The following DNAH9 variants were observed in gnomAD, a reference collection of about 807,000 sequenced individuals.
DNAH9 encodes dynein axonemal heavy chain 9.
In DNAH9, 345 loss-of-function variants were observed where a neutral mutation model predicts 471.6. The ratio of observed to expected loss-of-function variants is 0.73; its 90% CI spans 0.67 to 0.80. The LOEUF is 0.80. Ranked by LOEUF, DNAH9 falls within the 30% of genes least tolerant of loss-of-function variation. The pLI, the probability that DNAH9 is intolerant of heterozygous loss-of-function variation, is 0.00. For missense variants in DNAH9, 5,407 were observed against 5,609.2 expected, an observed-to-expected ratio of 0.96 and a Z score of 1.15; for synonymous variants, 2,093 against 2,123.6, an observed-to-expected ratio of 0.99 and a Z score of 0.40.
At position 11,664,838 on chromosome 17, in the gene DNAH9, C is replaced by T; in HGVS notation, c.2601C>T (p.Asn867=). ...GLKIHALVQE[N]LGLFSADPTS... is the part of the protein sequence containing the mutation. ...CTTTCTTCTTCCTTTTATAGGAAAACCTGGGTCTATTTTCAGCAGACCCAA... is the reference window on the plus strand; with the variant it reads ...CTTTCTTCTTCCTTTTATAGGAAAATCTGGGTCTATTTTCAGCAGACCCAA... Residue 867 remains asparagine, a synonymous_variant, in exon 15 of 69, where the codon AAC becomes AAT. Transcript: ENST00000262442. The T allele has an allele frequency of 6.2e-7, 1 of 1,612,346 alleles. No homozygotes were observed. Among genetic ancestry groups the T allele is most frequent in the Non-Finnish European group, 8.5e-7 (1 of 1,178,730 alleles).
chr17:11,812,005 AAAAAAAAAAAAAAAAAAAAAAATAT>A (rs1198480622), intron 45 of DNAH9, among the ~76,000 whole-genome samples: 42 of 48,524 alleles, frequency 8.7e-4, no homozygotes, highest in African/African-American at 4.8e-3. Context: ...AAAAAAAAAA[AAAAAAAAAAAAAAAAAAAAAAATAT>A]ATATATATAT....
intron 27 of DNAH9, among the ~76,000 whole-genome samples, chr17:11,719,868 T>C (rs2075024174): frequency 1.3e-5 from 2 of 152,194 alleles, no homozygotes; most frequent in African/African-American, 2.4e-5. Flanking sequence ...GGCTCACAAG[T>C]AGCCAAGATG....
intron 50 of DNAH9, among the ~76,000 whole-genome samples, chr17:11,859,084 CAAAAAA>C (rs56040033): frequency 6.2e-5 from 4 of 64,372 alleles, no homozygotes; most frequent in African/African-American, 2.6e-4. Flanking sequence ...AACCCCGTCT[CAAAAAA>C]AAAAAAAAAA....
rs1165309006 is a variant in DNAH9 at position 11,834,713 on chromosome 17, A to T, written c.9322A>T (p.Ile3108Phe). The change falls in exon 49 of 69, where the codon ATT becomes TTT. Residue 3108 changes from isoleucine to phenylalanine, a missense_variant. This residue lies in a region of DNAH9 where 4,636 missense variants were observed against 4,900.3 expected (regional missense o/e 0.95). Coordinates refer to ENST00000262442, the MANE Select transcript of DNAH9 (RefSeq NM_001372.4). The part of the protein sequence containing the change: ...KQKNEDADKL[I>F]QVVGVETDKV... Reference sequence around the variant, plus strand: ...GAAAAATGAAGATGCAGACAAACTGATTCAGGTCGTGGGTGTGGAGACTGA... The same window carrying T: ...GAAAAATGAAGATGCAGACAAACTGTTTCAGGTCGTGGGTGTGGAGACTGA... 5.0e-6 allele frequency: 8 copies of T among 1,614,000 alleles called. No homozygotes were observed. Among genetic ancestry groups the T allele is most frequent in the Non-Finnish European group, 6.8e-6 (8 of 1,180,022 alleles).
Position 11,598,698 on chromosome 17 carries a change from G to C in DNAH9, c.200G>C (p.Gly67Ala). 7.3e-7 allele frequency: 1 copy of C among 1,372,074 alleles called. No homozygotes were observed. The highest frequency in any genetic ancestry group is 9.4e-7 in the Non-Finnish European group (1 of 1,069,498). The allele number at this position is 1,372,074 out of a possible 1,614,324, so 85.0% of individuals were successfully genotyped here. Reference sequence around the variant, plus strand: ...TTCCTGGGCCGCGATGCTGCCGAGGGGCCGCGGCCGCTGCTGGTGGTGCGG... The same window carrying C: ...TTCCTGGGCCGCGATGCTGCCGAGGCGCCGCGGCCGCTGCTGGTGGTGCGG... ...QAFLGRDAAEGPRPLLVVRPG... is the reference protein window; with the variant it reads ...QAFLGRDAAEAPRPLLVVRPG... Residue 67 changes from glycine to alanine, a missense_variant, in exon 1 of 69, where the codon GGG becomes GCG. By Grantham distance (60) the Gly-to-Ala change is moderately conservative. Coordinates refer to ENST00000262442, the MANE Select transcript of DNAH9 (RefSeq NM_001372.4).
chr17:11,765,881 C>T (rs545237667), intron 36 of DNAH9, among the ~76,000 whole-genome samples: 4 of 152,140 alleles, frequency 2.6e-5, no homozygotes, highest in African/African-American at 9.7e-5. Context: ...CGTCAGACAG[C>T]GACTGCTGAG....
At chr17:11,936,899 A>G (rs1164795056) in intron 65 of DNAH9, among the ~76,000 whole-genome samples, 2 of 152,148 alleles carry the variant, frequency 1.3e-5, no homozygotes, top group Middle Eastern at 3.2e-3. Flanking sequence ...TCCCATGTAC[A>G]TGTTCAGGTT....
Position 11,690,347 on chromosome 17 carries a change from ATC to A in DNAH9, c.4529_4530del (p.Ser1510TyrfsTer4), listed in dbSNP as rs1394464870. 4.3e-6 allele frequency: 7 copies of A among 1,614,026 alleles called. No homozygotes were observed. Among genetic ancestry groups the A allele is most frequent in the Non-Finnish European group, 5.9e-6 (7 of 1,180,018 alleles). ...GAAGCTGTCCACAGTGGACGCTGTC[ATC>A]TCTATCTGGTTTGAAGTGCAGCGAA... ...QKKLSTVDAV[I>X]SIWFEVQRTW... On this transcript the variant is annotated frameshift_variant, in exon 20 of 69. Coordinates refer to ENST00000262442, the MANE Select transcript of DNAH9 (RefSeq NM_001372.4). LOFTEE classifies it high-confidence loss of function.
intron 35 of DNAH9, among the ~76,000 whole-genome samples, chr17:11,760,476 G>A (rs989513400): frequency 2.0e-5 from 3 of 151,544 alleles, no homozygotes; most frequent in South Asian, 2.1e-4. Context: ...TCTCAATTAT[G>A]GGTGCTCACT....
chr17:11,929,125 C>T (rs1345157706), intron 62 of DNAH9, among the ~76,000 whole-genome samples: 1 of 151,304 alleles, frequency 6.6e-6, no homozygotes, highest in African/African-American at 2.4e-5. Flanking sequence ...AGCTCCGACT[C>T]CCGGGTTCAT....
chr17:11,684,822 A>G (rs1352224349), intron 19 of DNAH9, among the ~76,000 whole-genome samples: 1 of 152,240 alleles, frequency 6.6e-6, no homozygotes, highest in Non-Finnish European at 1.5e-5. Flanking sequence ...TCATGAGGAA[A>G]GAAGGGCTTT....
chr17:11,946,954 T>C (rs1975149730), intron 67 of DNAH9, among the ~76,000 whole-genome samples: 1 of 152,160 alleles, frequency 6.6e-6, no homozygotes, highest in South Asian at 2.1e-4. Flanking sequence ...AAAAAGATAT[T>C]GTTATTCACC....
At position 11,643,755 on chromosome 17, in the gene DNAH9, CCTATGATCAATACACT is replaced by C. The variant is rs558411406; in HGVS notation, c.1902-854_1902-839del. On this transcript the variant is annotated intron_variant, in intron 10 of 68. Coordinates refer to ENST00000262442, the MANE Select transcript of DNAH9 (RefSeq NM_001372.4). ...CAATACGCTTTATGGTCTAGCTTAG[CCTATGATCAATACACT>C]CTATGATCAATACACTCTATGGTCC... 3.9e-3 allele frequency among the ~76,000 whole-genome samples: 587 copies of C among 152,244 alleles called. 2 individuals carry two copies. Among genetic ancestry groups the C allele is most frequent in the African/African-American group, 0.013 (540 of 41,544 alleles).
At chr17:11,741,811 T>G (rs988111248) in intron 29 of DNAH9, among the ~76,000 whole-genome samples, 1 of 152,208 alleles carries the variant, frequency 6.6e-6, no homozygotes, top group Non-Finnish European at 1.5e-5. Flanking sequence ...TTGAATCTAT[T>G]CTAGGCAATT....
intron 22 of DNAH9, among the ~76,000 whole-genome samples, chr17:11,696,921 G>A (rs2074487474): frequency 6.6e-6 from 1 of 151,948 alleles, no homozygotes. Context: ...CCAGGCTGGA[G>A]TGCAGTGGCA....
intron 6 of DNAH9, among the ~76,000 whole-genome samples, chr17:11,622,376 C>T (rs1404634654): frequency 6.6e-6 from 1 of 152,134 alleles, no homozygotes; most frequent in South Asian, 2.1e-4. Context: ...CTTTTTCCCT[C>T]AGCCGTTTCC....
At position 11,905,760 on chromosome 17, in the gene DNAH9, T is replaced by G; in HGVS notation, c.11700T>G (p.Phe3900Leu). ...FEESGPATPM[F>L]FILSPGVDPL... ...AATCGGGACCAGCCACTCCTATGTT[T>G]TTCATCCTGTCTCCAGGGGTGGACC... is the stretch of plus-strand genomic sequence containing the variant. Residue 3900 changes from phenylalanine to leucine, a missense_variant, in exon 61 of 69, where the codon TTT becomes TTG. Coordinates refer to ENST00000262442, the MANE Select transcript of DNAH9 (RefSeq NM_001372.4). 1.2e-6 allele frequency: 2 copies of G among 1,614,120 alleles called. No individual in the cohort carries two copies. The highest frequency in any genetic ancestry group is 1.7e-6 in the Non-Finnish European group (2 of 1,180,002).
chr17:11,854,143 C>T lies in DNAH9; in HGVS notation c.9648C>T (p.Ala3216=). The change falls in exon 50 of 69, where the codon GCC becomes GCT. Residue 3216 remains alanine (A), a synonymous_variant. Transcript: ENST00000262442. ...GGAAGGCTGCTAAGGTCACCATGGC[C>T]AAAGTGGATGGCTTCCTGGACTCGC... ...RSWKAAKVTM[A]KVDGFLDSLI... 6.2e-7 allele frequency: 1 copy of T among 1,614,110 alleles called. No individual in the cohort carries two copies. The highest frequency in any genetic ancestry group is 8.5e-7 in the Non-Finnish European group (1 of 1,180,026).
Position 11,788,963 on chromosome 17 carries a change from C to T in DNAH9, c.8061+4424C>T, listed in dbSNP as rs182337320. On this transcript the variant is annotated intron_variant, in intron 41 of 68. Coordinates refer to ENST00000262442, the MANE Select transcript of DNAH9 (RefSeq NM_001372.4). ...ATTATGAATATGTGTTGAAACTTAA[C>T]AAATGATTTTTCTGCCATCTGTTTA... is the stretch of plus-strand genomic sequence containing the variant. Among the ~76,000 whole-genome samples, 43 of 152,130 alleles carry T rather than the reference C, an allele frequency of 2.8e-4. No homozygotes were observed. In the East Asian group the frequency reaches 6.9e-3, roughly 25 times the overall value.
Sources: allele counts gnomAD v4.1 joint callset (sites outside exome capture counted in the v4.1 genomes callset), GRCh38; gene constraint gnomAD v4.1.1; regional missense constraint gnomAD v4.1.1; transcripts MANE v1.5; gene names NCBI Gene and HGNC (gene_info 2026-07-23, HGNC 2026-07-21).